The following SUPT6H variants were observed in gnomAD, a reference collection of about 807,000 sequenced individuals.
The protein encoded by SUPT6H is transcription elongation factor SPT6.
Under a neutral mutation model 222.3 loss-of-function variants are expected in SUPT6H, and 11 were observed. That is an observed-to-expected ratio of 0.05 (90% confidence interval 0.03 to 0.08). SUPT6H has a LOEUF of 0.08. SUPT6H is among the 10% of genes least tolerant of loss of function. SUPT6H has a pLI of 1.00. For synonymous variants in SUPT6H, 762 were observed against 801.2 expected, an observed-to-expected ratio of 0.95 and a Z score of 0.83; for missense variants, 1,422 against 2,216.0, an observed-to-expected ratio of 0.64 and a Z score of 7.19.
chr17:28,674,042 A>G (rs981630942), intron 2 of SUPT6H, among the ~76,000 whole-genome samples: 2 of 152,258 alleles, frequency 1.3e-5, no homozygotes, highest in African/African-American at 4.8e-5. Context: ...GAGAAGCCAA[A>G]GTGACGGGGA....
chr17:28,681,211 C>T (rs769416131), intron 11 of SUPT6H, 45 bp from the exon 12 acceptor site: 1 of 1,608,886 alleles, frequency 6.2e-7, no homozygotes, highest in Non-Finnish European at 8.5e-7. Flanking sequence ...TGGGATATAC[C>T]CTTTCTGCAG....
intron 1 of SUPT6H, chr17:28,672,707 C>T (rs952069010): frequency 6.6e-6 from 1 of 151,426 alleles, no homozygotes; most frequent in African/African-American, 2.4e-5. Flanking sequence ...AGCTACCACG[C>T]CTGGCCTAAT....
chr17:28,701,270 G>T (rs905271365), intron 36 of SUPT6H, 142 bp downstream of exon 36: 15 of 1,406,706 alleles, frequency 1.1e-5, no homozygotes, highest in Non-Finnish European at 1.3e-5. Context: ...TAGTTTCTGG[G>T]TGAAGACGGA....
At chr17:28,700,007 T>C in intron 33 of SUPT6H, 114 bp downstream of exon 33, 1 of 1,366,720 alleles carries the variant, frequency 7.3e-7, no homozygotes, top group Non-Finnish European at 1.0e-6. Context: ...ACTGCAGCTG[T>C]CTTACTCCTC....
At chr17:28,691,087 CTCAGTGGATT>C in intron 27 of SUPT6H, 24 bp downstream of exon 27, 4 of 1,607,648 alleles carry the variant, frequency 2.5e-6, no homozygotes, top group Non-Finnish European at 3.4e-6. Context: ...CATTATCCTG[CTCAGTGGATT>C]TCCTTGGTTG....
At position 28,689,169 on chromosome 17, in the gene SUPT6H, A is replaced by G. The variant is rs997078328; in HGVS notation, c.3135-185A>G. ...TTTGCAGTGCATTTTTCACGTATCA[A>G]TATATTGTGGCCATCTTTCCATGTC... is the stretch of plus-strand genomic sequence containing the variant. On this transcript the variant is annotated intron_variant, in intron 24 of 36. Transcript: ENST00000314616. 5.1e-6 allele frequency: 3 copies of G among 593,498 alleles called. No individual in the cohort carries two copies. In the African/African-American group the frequency reaches 5.6e-5, roughly 11 times the overall value. The allele number at this position is 593,498 out of a possible 1,614,324, so 36.8% of individuals were successfully genotyped here.
chr17:28,673,201 G>A (rs893350991), intron 1 of SUPT6H, among the ~76,000 whole-genome samples, 170 bp from the exon 2 acceptor site: 1 of 151,896 alleles, frequency 6.6e-6, no homozygotes, highest in African/African-American at 2.4e-5. Flanking sequence ...GGGAGGAATG[G>A]ATAATGGAAG....
chr17:28,696,783 C>T (rs1020402781), intron 29 of SUPT6H, 61 bp from the exon 30 acceptor site: 1 of 1,467,022 alleles, frequency 6.8e-7, no homozygotes, highest in Admixed American at 1.7e-5. Flanking sequence ...CCTGGTTTGT[C>T]CTGTTGCTGC....
chr17:28,673,083 G>A (rs907466960), intron 1 of SUPT6H, among the ~76,000 whole-genome samples: 2 of 151,684 alleles, frequency 1.3e-5, no homozygotes, highest in Admixed American at 1.3e-4. Context: ...CCCAGGAGGT[G>A]GAGGTTGCAG....
In SUPT6H at chr17:28,673,191, G is replaced by C. The variant is rs187211101; in HGVS notation, c.-31-180G>C. Among the ~76,000 whole-genome samples, 11 of 151,946 alleles carry C rather than the reference G, an allele frequency of 7.2e-5. No homozygotes were observed. The East Asian group carries it at 2.1e-3, about 29-fold the overall frequency. On this transcript the variant is annotated intron_variant, in intron 1 of 36. Coordinates refer to ENST00000314616, the MANE Select transcript of SUPT6H (RefSeq NM_003170.5). ...AAGTACATATGAGAGAAGCAATGCT[G>C]GGAGGAATGGATAATGGAAGAGTTG...
intron 33 of SUPT6H, 62 bp downstream of exon 33, chr17:28,699,955 G>C: frequency 6.6e-7 from 1 of 1,520,688 alleles, no homozygotes; most frequent in African/African-American, 1.4e-5. Context: ...ACCTGACTCA[G>C]AGTAGTCCCA....
intron 1 of SUPT6H, among the ~76,000 whole-genome samples, chr17:28,668,820 A>G (rs943792316): frequency 6.6e-6 from 1 of 152,150 alleles, no homozygotes; most frequent in Non-Finnish European, 1.5e-5. Flanking sequence ...GCTGAGGGGG[A>G]GCAATGTCAA....
intron 7 of SUPT6H, among the ~76,000 whole-genome samples, chr17:28,677,510 G>C (rs1418949718): frequency 6.6e-6 from 1 of 151,534 alleles, no homozygotes; most frequent in Admixed American, 6.6e-5. Flanking sequence ...GCGCCGTTGT[G>C]TTCCAGCCTG....
In SUPT6H at chr17:28,683,434, C is replaced by T. The variant is rs550798333; in HGVS notation, c.2033+12C>T. The T allele has an allele frequency of 2.5e-6, 4 of 1,613,562 alleles. No homozygotes were observed. Among genetic ancestry groups the T allele is most frequent in the East Asian group, 4.5e-5 (2 of 44,868 alleles). On this transcript the variant is annotated intron_variant, in intron 16 of 36. Coordinates refer to ENST00000314616, the MANE Select transcript of SUPT6H (RefSeq NM_003170.5). ...AAGGGAGTGGAAGGGTAAGCAGAGC[C>T]CTGGGCTGGCGACTCTCTGGGGAAG...
At chr17:28,690,275 A>C (rs777839669) in intron 26 of SUPT6H, 46 bp downstream of exon 26, 1 of 1,603,902 alleles carries the variant, frequency 6.2e-7, no homozygotes, top group South Asian at 1.1e-5. Flanking sequence ...AGGTGTGTTT[A>C]CTGTGTACAT....
Position 28,701,862 on chromosome 17 carries a change from C to T in SUPT6H, c.*237C>T. 1.9e-6 allele frequency: 1 copy of T among 515,926 alleles called. No homozygotes were observed. The highest frequency in any genetic ancestry group is 5.2e-4 in the Middle Eastern group (1 of 1,924). The allele number at this position is 515,926 out of a possible 1,614,324, so 32.0% of individuals were successfully genotyped here. On this transcript the variant is annotated 3_prime_UTR_variant, in exon 37 of 37. Coordinates refer to ENST00000314616, the MANE Select transcript of SUPT6H (RefSeq NM_003170.5). The stretch of plus-strand genomic sequence containing the variant: ...ACCGACCACCTGTCCTGGGACCAGG[C>T]TGGGAGGGGAGTGTGGCAGGGAGGA...
chr17:28,687,823 G>A (rs1020177253), intron 23 of SUPT6H, among the ~76,000 whole-genome samples: 6 of 152,092 alleles, frequency 3.9e-5, no homozygotes, highest in Non-Finnish European at 5.9e-5. Context: ...CGGCCAACTA[G>A]TGTTAACTTG....
In SUPT6H at chr17:28,700,952, G is replaced by A. The variant is rs1307270152; in HGVS notation, c.4818G>A (p.Thr1606=). The A allele has an allele frequency of 3.7e-6, 6 of 1,611,166 alleles. No individual in the cohort carries two copies. Among genetic ancestry groups the A allele is most frequent in the South Asian group, 1.1e-5 (1 of 90,960 alleles). ...GGSSAYHVFP[T]PAQQPVATPL... ...TCATGCCTCTCCAGGTATTCCCAAC[G>A]CCAGCCCAGCAGCCAGTGGCCACAC... Residue 1606 remains threonine (T), a synonymous_variant, in exon 36 of 37, where the codon ACG becomes ACA. Coordinates refer to ENST00000314616, the MANE Select transcript of SUPT6H (RefSeq NM_003170.5).
chr17:28,674,851 T>C (rs2030645110), intron 4 of SUPT6H, 119 bp from the exon 5 acceptor site: 1 of 1,274,934 alleles, frequency 7.8e-7, no homozygotes, highest in Non-Finnish European at 1.1e-6. Context: ...CTCGGCATGT[T>C]CTTTCCCATC....
Sources: allele counts gnomAD v4.1 joint callset (sites outside exome capture counted in the v4.1 genomes callset), GRCh38; gene constraint gnomAD v4.1.1; transcripts MANE v1.5; gene names NCBI Gene and HGNC (gene_info 2026-07-23, HGNC 2026-07-21).